The following STAC variants were observed in gnomAD, a reference collection of about 807,000 sequenced individuals.
STAC encodes the protein SH3 and cysteine rich domain, also known as SH3 and cysteine-rich domain-containing protein.
Under a neutral mutation model 48.8 loss-of-function variants are expected in STAC, and 43 were observed. The observed-to-expected ratio is 0.88, with a 90% CI of 0.69 to 1.14. The LOEUF (loss-of-function observed/expected upper bound fraction) is 1.14, where lower values mean the gene tolerates loss of function less well. STAC is among the 50% of genes most tolerant of loss of function. The probability of loss-of-function intolerance (pLI) is 0.00; values close to 1 mark genes in which losing one functional copy is unlikely to be tolerated. For synonymous variants in STAC, 193 were observed against 179.5 expected (o/e 1.07, Z -0.60); for missense variants, 497 against 504.0 (o/e 0.99, Z 0.13).
At chr3:36,411,200 T>C (rs980626062) in intron 1 of STAC, among the ~76,000 whole-genome samples, 2 of 152,200 alleles carry the variant, frequency 1.3e-5, no homozygotes, top group Non-Finnish European at 2.9e-5. Flanking sequence ...TACCACTTCT[T>C]ACCATGTCCA....
chr3:36,542,609 T>C (rs1169416431), intron 10 of STAC, among the ~76,000 whole-genome samples: 2 of 152,210 alleles, frequency 1.3e-5, no homozygotes, highest in Admixed American at 1.3e-4. Context: ...CAAGAAGGTG[T>C]TTCTTACCCC....
At chr3:36,441,867 C>A (rs1287818012) in intron 1 of STAC, among the ~76,000 whole-genome samples, 2 of 152,208 alleles carry the variant, frequency 1.3e-5, no homozygotes, top group East Asian at 3.9e-4. Context: ...TATTTGTCAG[C>A]CATTTGTATG....
At chr3:36,472,076 G>A (rs192379241) in intron 2 of STAC, among the ~76,000 whole-genome samples, 26 of 152,308 alleles carry the variant, frequency 1.7e-4, no homozygotes, top group East Asian at 3.9e-4. Flanking sequence ...ACATCCAGGC[G>A]TTTCCCTACA....
intron 2 of STAC, among the ~76,000 whole-genome samples, chr3:36,466,997 T>A (rs1360235059): frequency 6.6e-6 from 1 of 152,136 alleles, no homozygotes; most frequent in Non-Finnish European, 1.5e-5. Flanking sequence ...AAATGGCTTT[T>A]ATTACCTTAA....
In STAC at chr3:36,450,275, A is replaced by G. The variant is rs553896760; in HGVS notation, c.388+6635A>G. On this transcript the variant is annotated intron_variant, in intron 2 of 10. Coordinates refer to ENST00000273183, the MANE Select transcript of STAC (RefSeq NM_003149.3). ...AAAAATAGTTTGCCTTCAAATAAAA[A>G]CAACAGAAATAGAAGCAAACTTAAG... 4.6e-5 allele frequency among the ~76,000 whole-genome samples: 7 copies of G among 152,348 alleles called. No homozygotes were observed. The South Asian group carries it at 1.5e-3, about 32-fold the overall frequency.
At chr3:36,456,245 A>G (rs1696851653) in intron 2 of STAC, among the ~76,000 whole-genome samples, 1 of 152,222 alleles carries the variant, frequency 6.6e-6, no homozygotes. Flanking sequence ...AGAATCACAT[A>G]TAATTCAAAC....
chr3:36,546,503 TGAGA>T lies in STAC; in HGVS notation c.*218_*221del. 1.8e-6 allele frequency: 1 copy of T among 568,696 alleles called. No individual in the cohort carries two copies. Among genetic ancestry groups the T allele is most frequent in the Non-Finnish European group, 3.1e-6 (1 of 319,574 alleles). The allele number at this position is 568,696 out of a possible 1,614,324, so 35.2% of individuals were successfully genotyped here. On this transcript the variant is annotated 3_prime_UTR_variant, in exon 11 of 11. Transcript: ENST00000273183. ...AGGCTGCCACAGGTGGGGACGAGGC[TGAGA>T]GAGTCAGCAGGCAGAGCCAGATGCC...
chr3:36,473,894 T>C (rs1186581551), intron 2 of STAC, among the ~76,000 whole-genome samples: 1 of 152,192 alleles, frequency 6.6e-6, no homozygotes, highest in Non-Finnish European at 1.5e-5. Flanking sequence ...ATCAATATCA[T>C]TTTAAAAAAC....
intron 9 of STAC, 39 bp downstream of exon 9, chr3:36,528,786 CA>C (rs764493570): frequency 6.3e-7 from 1 of 1,597,224 alleles, no homozygotes; most frequent in Non-Finnish European, 8.5e-7. Flanking sequence ...AAGAGAAAAT[CA>C]TTTGGTAACT....
At position 36,547,196 on chromosome 3, in the gene STAC, A is replaced by G. The variant is rs79867369; in HGVS notation, c.*907A>G. ...ATTTTACATCCTCTCTATTGGAGGC[A>G]GCACTTTTCCCTCATGCTGTCCTAT... On this transcript the variant is annotated 3_prime_UTR_variant, in exon 11 of 11. Transcript: ENST00000273183. 1 of 152,244 alleles carries G rather than the reference A, an allele frequency of 6.6e-6. No homozygotes were observed. The highest frequency in any genetic ancestry group is 1.5e-5 in the Non-Finnish European group (1 of 68,046). 9.4% of individuals were successfully genotyped at this position (152,244 alleles called of 1,614,324 possible). A position where few individuals can be genotyped will look rare whatever the true frequency, so the allele number is the denominator to read the frequency against.
In STAC at chr3:36,443,356, CA is replaced by C. The variant is rs1461584386; in HGVS notation, c.112-7del. On this transcript the variant is annotated splice_region_variant and splice_polypyrimidine_tract_variant and intron_variant, in intron 1 of 10. Coordinates refer to ENST00000273183, the MANE Select transcript of STAC (RefSeq NM_003149.3). The surrounding 1 kb of genome is among the most constrained non-coding windows in gnomAD (Gnocchi z 4.2). ...CGTAAGAGAGACTGTTCTGTCATTGCATTGCAGCTCCAGAAACTAAAACGAT... is the reference window on the plus strand; with the variant it reads ...CGTAAGAGAGACTGTTCTGTCATTGCTTGCAGCTCCAGAAACTAAAACGAT... The C allele has an allele frequency of 2.5e-6, 4 of 1,614,086 alleles. No individual in the cohort carries two copies. The highest frequency in any genetic ancestry group is 1.7e-4 in the Middle Eastern group (1 of 6,030).
chr3:36,395,302 T>C (rs759275397), intron 1 of STAC, among the ~76,000 whole-genome samples: 6 of 152,112 alleles, frequency 3.9e-5, no homozygotes, highest in Non-Finnish European at 5.9e-5. Flanking sequence ...AAGGTTGTAA[T>C]AGTGAAGTGA....
chr3:36,487,308 G>A (rs1400058778), intron 5 of STAC, among the ~76,000 whole-genome samples: 5 of 152,234 alleles, frequency 3.3e-5, no homozygotes, highest in African/African-American at 9.6e-5. Context: ...GGTCGGGTAG[G>A]CAAGTAGGTA....
At chr3:36,472,449 T>C (rs762412652) in intron 2 of STAC, among the ~76,000 whole-genome samples, 9 of 152,218 alleles carry the variant, frequency 5.9e-5, no homozygotes, top group Non-Finnish European at 1.2e-4. Context: ...CCAGCTTGAA[T>C]TTCTCCCCAG....
intron 2 of STAC, among the ~76,000 whole-genome samples, chr3:36,462,333 T>C (rs1366135851): frequency 1.3e-5 from 2 of 152,272 alleles, no homozygotes; most frequent in Middle Eastern, 3.4e-3. Context: ...TTGAAATGTT[T>C]ATTTGACAGC....
chr3:36,542,615 AC>A (rs1422695940), intron 10 of STAC, among the ~76,000 whole-genome samples: 1 of 151,994 alleles, frequency 6.6e-6, no homozygotes, highest in Non-Finnish European at 1.5e-5. Flanking sequence ...GGTGTTTCTT[AC>A]CCCATTGGCT....
Position 36,547,038 on chromosome 3 carries a change from G to A in STAC, c.*749G>A, listed in dbSNP as rs1699464058. The A allele has an allele frequency of 6.6e-6, 1 of 152,454 alleles. No individual in the cohort carries two copies. Among genetic ancestry groups the A allele is most frequent in the Non-Finnish European group, 1.5e-5 (1 of 68,258 alleles). The allele number at this position is 152,454 out of a possible 1,614,324, so 9.4% of individuals were successfully genotyped here. ...CAGGACATGAGACATAGATACAGTGGGGAGGAGAAGTGGGGAAAGGTGGAG... is the reference window on the plus strand; with the variant it reads ...CAGGACATGAGACATAGATACAGTGAGGAGGAGAAGTGGGGAAAGGTGGAG... On this transcript the variant is annotated 3_prime_UTR_variant, in exon 11 of 11. Coordinates refer to ENST00000273183, the MANE Select transcript of STAC (RefSeq NM_003149.3).
intron 8 of STAC, among the ~76,000 whole-genome samples, chr3:36,517,158 T>G (rs1308636440): frequency 6.6e-6 from 1 of 152,160 alleles, no homozygotes; most frequent in African/African-American, 2.4e-5. Flanking sequence ...GCTGACAATT[T>G]GAGGCCTGAT....
chr3:36,512,217 C>T (rs911920527), intron 8 of STAC, among the ~76,000 whole-genome samples: 17 of 152,114 alleles, frequency 1.1e-4, no homozygotes, highest in Non-Finnish European at 2.1e-4. Flanking sequence ...AACAGTCTAG[C>T]ATAATCAGTG....
Sources: gnomAD v4.1 joint callset for allele counts (sites outside exome capture counted in the v4.1 genomes callset) on GRCh38, gnomAD v4.1.1 for gene constraint, Gnocchi (gnomAD v3.1) non-coding constraint, MANE v1.5 for transcripts, NCBI Gene and HGNC (gene_info 2026-07-23, HGNC 2026-07-21) for gene names.